The following ZNF407 variants were observed in gnomAD, a reference collection of about 807,000 sequenced individuals.
ZNF407 encodes the protein zinc finger protein 407.
Under a neutral mutation model 131.2 loss-of-function variants are expected in ZNF407, and 17 were observed. The ratio of observed to expected loss-of-function variants is 0.13; its 90% CI spans 0.09 to 0.19. The LOEUF (loss-of-function observed/expected upper bound fraction) is 0.19. Among genes scored for constraint, ZNF407 ranks in the 10% least tolerant of loss-of-function variants. The pLI is 1.00. For synonymous variants in ZNF407, 1,156 were observed against 1,062.0 expected, an observed-to-expected ratio of 1.09 and a Z score of -1.72; for missense variants, 2,681 against 2,830.6, an observed-to-expected ratio of 0.95 and a Z score of 1.20.
intron 8 of ZNF407, among the ~76,000 whole-genome samples, chr18:75,020,397 G>A (rs778586106): frequency 2.6e-5 from 4 of 151,798 alleles, no homozygotes; most frequent in Non-Finnish European, 4.4e-5. Context: ...TTAGGCTCAC[G>A]GAAGGTGTTC....
intron 3 of ZNF407, among the ~76,000 whole-genome samples, chr18:74,704,550 T>G (rs1475100333): frequency 6.6e-6 from 1 of 152,200 alleles, no homozygotes; most frequent in Non-Finnish European, 1.5e-5. Context: ...CAGTAAAGTT[T>G]GCAGGTTTAT....
At chr18:74,877,121 C>T (rs943780494) in intron 4 of ZNF407, 76 bp from the exon 5 acceptor site, 16 of 1,365,860 alleles carry the variant, frequency 1.2e-5, no homozygotes, top group East Asian at 4.6e-5. Flanking sequence ...CCTCAGGGTT[C>T]GCACACGCGC....
intron 3 of ZNF407, among the ~76,000 whole-genome samples, chr18:74,757,748 C>T (rs1320155607): frequency 2.0e-5 from 3 of 152,024 alleles, no homozygotes; most frequent in Non-Finnish European, 4.4e-5. Context: ...TTCAAGTCTC[C>T]AAATCTTATT....
intron 8 of ZNF407, among the ~76,000 whole-genome samples, chr18:74,998,039 T>C (rs1360791841): frequency 6.6e-6 from 1 of 152,162 alleles, no homozygotes; most frequent in African/African-American, 2.4e-5. Context: ...GTGATGTTCC[T>C]CATCTCCAAG....
At chr18:74,984,745 T>C (rs1972633198) in intron 8 of ZNF407, among the ~76,000 whole-genome samples, 1 of 152,248 alleles carries the variant, frequency 6.6e-6, no homozygotes, top group African/African-American at 2.4e-5. Flanking sequence ...AATGGAAATT[T>C]GTTGAAGCAA....
At chr18:74,866,823 T>A (rs1015895953) in intron 4 of ZNF407, among the ~76,000 whole-genome samples, 14 of 149,064 alleles carry the variant, frequency 9.4e-5, no homozygotes, top group Admixed American at 3.3e-4. Flanking sequence ...TTATTCATTA[T>A]ATTATTTTAT....
intron 3 of ZNF407, among the ~76,000 whole-genome samples, chr18:74,674,695 A>T (rs1019867087): frequency 2.0e-4 from 30 of 152,124 alleles, no homozygotes; most frequent in African/African-American, 7.0e-4. Context: ...TACACCAGGG[A>T]TTAGTAAACT....
At chr18:74,688,300 A>G (rs1401661767) in intron 3 of ZNF407, among the ~76,000 whole-genome samples, 4 of 152,234 alleles carry the variant, frequency 2.6e-5, no homozygotes, top group Non-Finnish European at 2.9e-5. Flanking sequence ...AATAAATTGT[A>G]AATAAAAGTA....
At chr18:74,955,782 TC>T (rs2145285040) in intron 8 of ZNF407, among the ~76,000 whole-genome samples, 1 of 152,276 alleles carries the variant, frequency 6.6e-6, no homozygotes, top group South Asian at 2.1e-4. Context: ...CGACACATCT[TC>T]CGATGTTTGT....
intron 3 of ZNF407, among the ~76,000 whole-genome samples, chr18:74,750,411 A>G (rs1273846454): frequency 6.6e-6 from 1 of 152,210 alleles, no homozygotes; most frequent in Admixed American, 6.5e-5. Context: ...TATGTAAATC[A>G]TCAGCTTTTC....
intron 4 of ZNF407, among the ~76,000 whole-genome samples, chr18:74,864,232 T>G (rs1970978828): frequency 6.6e-6 from 1 of 152,226 alleles, no homozygotes; most frequent in Non-Finnish European, 1.5e-5. Context: ...TTTGGTAACA[T>G]GCCTTCAGAA....
chr18:74,855,505 C>A (rs1431271868), intron 4 of ZNF407, among the ~76,000 whole-genome samples: 1 of 152,060 alleles, frequency 6.6e-6, no homozygotes, highest in Non-Finnish European at 1.5e-5. Context: ...TTTTCATATT[C>A]CCAAAAGCCA....
At position 75,063,485 on chromosome 18, in the gene ZNF407, G is replaced by C. The variant is rs756905217; in HGVS notation, c.5764G>C (p.Gly1922Arg). 6.9e-6 allele frequency: 11 copies of C among 1,599,642 alleles called. No homozygotes were observed. Among genetic ancestry groups the C allele is most frequent in the Non-Finnish European group, 9.4e-6 (11 of 1,174,654 alleles). The change falls in exon 9 of 9, where the codon GGC becomes CGC. Residue 1922 changes from glycine to arginine, a missense_variant. Gly to Arg is a moderately radical substitution (Grantham distance 125, BLOSUM62 -2). This residue lies in a region of ZNF407 where 620 missense variants were observed against 583.1 expected (regional missense o/e 1.06). Transcript: ENST00000299687. This position sits in a 1 kb window ranked among gnomAD's most constrained non-coding sequence, Gnocchi z 6.6. ...CACGAGTCAGAGCGGGGCACATGTAGGCAGCGTGGTGCCCGGACCCATCCT... is the reference window on the plus strand; with the variant it reads ...CACGAGTCAGAGCGGGGCACATGTACGCAGCGTGGTGCCCGGACCCATCCT... Reference protein sequence around the residue: ...IATSQSGAHVGSVVPGPILPE... With the variant: ...IATSQSGAHVRSVVPGPILPE...
intron 3 of ZNF407, among the ~76,000 whole-genome samples, chr18:74,757,668 C>G (rs779582398): frequency 5.9e-5 from 9 of 151,882 alleles, no homozygotes; most frequent in Admixed American, 5.9e-4. Flanking sequence ...GTTGATGTAC[C>G]TTGTTGTTCA....
chr18:74,788,057 A>G (rs1969753815), intron 4 of ZNF407, among the ~76,000 whole-genome samples: 1 of 152,152 alleles, frequency 6.6e-6, no homozygotes, highest in African/African-American at 2.4e-5. Context: ...CTTTATGTTT[A>G]CTGTTGGGAA....
intron 3 of ZNF407, among the ~76,000 whole-genome samples, chr18:74,755,773 C>CCT (rs1968936273): frequency 8.8e-6 from 1 of 113,464 alleles, no homozygotes; most frequent in African/African-American, 4.3e-5. Context: ...TTCTTTCTTT[C>CCT]TCTCTCTCTC....
At chr18:74,901,727 GATGTTATTAATGCA>G (rs1444517917) in intron 7 of ZNF407, among the ~76,000 whole-genome samples, 1 of 152,124 alleles carries the variant, frequency 6.6e-6, no homozygotes, top group Non-Finnish European at 1.5e-5. Context: ...TTTGAACAAT[GATGTTATTAATGCA>G]ATGATTATGC....
intron 8 of ZNF407, among the ~76,000 whole-genome samples, chr18:74,951,350 CCTGTTCTTGGTTT>C (rs1301230360): frequency 2.0e-5 from 3 of 152,196 alleles, no homozygotes; most frequent in African/African-American, 7.2e-5. Flanking sequence ...TTCTCTCCTC[CCTGTTCTTGGTTT>C]CTTGACTCAT....
At chr18:74,909,750 A>T (rs983880361) in intron 7 of ZNF407, among the ~76,000 whole-genome samples, 1 of 152,084 alleles carries the variant, frequency 6.6e-6, no homozygotes. Context: ...TACAAATTTC[A>T]TGGATTTTCT....
Sources: gnomAD v4.1 joint callset for allele counts (sites outside exome capture counted in the v4.1 genomes callset) on GRCh38, gnomAD v4.1.1 for gene constraint, gnomAD v4.1.1 regional missense constraint, Gnocchi (gnomAD v3.1) non-coding constraint, MANE v1.5 for transcripts, NCBI Gene and HGNC (gene_info 2026-07-23, HGNC 2026-07-21) for gene names.